The following CYB5R4 variants were observed in gnomAD, a reference collection of about 807,000 sequenced individuals.
CYB5R4 encodes cytochrome b5 reductase 4, also known as N-terminal cytochrome b5 and cytochrome b5 oxidoreductase domain-containing protein.
A neutral mutation model predicts 70.2 loss-of-function variants in CYB5R4; 55 were observed. The ratio of observed to expected loss-of-function variants is 0.78; its 90% CI spans 0.63 to 0.98. The LOEUF (loss-of-function observed/expected upper bound fraction) is 0.98, where lower values mean the gene tolerates loss of function less well. CYB5R4 is among the 50% of genes least tolerant of loss of function. The probability of loss-of-function intolerance (pLI) is 0.00; values close to 1 mark genes in which losing one functional copy is unlikely to be tolerated. For synonymous variants in CYB5R4, 197 were observed against 199.5 expected (o/e 0.99, Z 0.11); for missense variants, 562 against 612.6 (o/e 0.92, Z 0.87).
intron 11 of CYB5R4, among the ~76,000 whole-genome samples, 162 bp from the exon 12 acceptor site, chr6:83,936,062 G>T (rs560105156): frequency 2.0e-5 from 3 of 151,904 alleles, no homozygotes; most frequent in Non-Finnish European, 4.4e-5. Flanking sequence ...TAGGCTTGGG[G>T]TATATATACT....
At chr6:83,916,330 A>G (rs1467484492) in intron 5 of CYB5R4, among the ~76,000 whole-genome samples, 1 of 152,118 alleles carries the variant, frequency 6.6e-6, no homozygotes, top group East Asian at 1.9e-4. Context: ...CAATTTATCA[A>G]TTCTGTTTAT....
At chr6:83,878,063 CAG>C (rs2099458850) in intron 2 of CYB5R4, among the ~76,000 whole-genome samples, 1 of 152,012 alleles carries the variant, frequency 6.6e-6, no homozygotes, top group Admixed American at 6.5e-5. Context: ...TTTAAGTTTG[CAG>C]AGTCTTTCCT....
At chr6:83,914,625 C>T (rs2099465201) in intron 5 of CYB5R4, among the ~76,000 whole-genome samples, 177 bp downstream of exon 5, 1 of 152,012 alleles carries the variant, frequency 6.6e-6, no homozygotes, top group African/African-American at 2.4e-5. Context: ...GTAACCTCCA[C>T]CTCCCGGGTT....
Position 83,897,766 on chromosome 6 carries a change from G to C in CYB5R4, c.330+4144G>C, listed in dbSNP as rs545153831. 3.4e-4 allele frequency among the ~76,000 whole-genome samples: 51 copies of C among 152,236 alleles called. No individual in the cohort carries two copies. The South Asian group carries it at 4.8e-3, about 14-fold the overall frequency. On this transcript the variant is annotated intron_variant, in intron 3 of 15. Coordinates refer to ENST00000369681, the MANE Select transcript of CYB5R4 (RefSeq NM_016230.4). The stretch of plus-strand genomic sequence containing the variant: ...TTGTTTTTTTCTTGTAAATTTGTTG[G>C]AGTTCTTTGTAGATTCTGGATATTA...
At chr6:83,944,206 AG>A (rs148521435) in intron 14 of CYB5R4, among the ~76,000 whole-genome samples, 29,582 of 152,090 alleles carry the variant, frequency 0.19, 6,163 homozygotes, top group African/African-American at 0.51. Flanking sequence ...TTACCCACAA[AG>A]GGAAGCCCAT....
chr6:83,932,617 A>C (rs923636839), intron 10 of CYB5R4, among the ~76,000 whole-genome samples: 1 of 152,060 alleles, frequency 6.6e-6, no homozygotes, highest in African/African-American at 2.4e-5. Flanking sequence ...GAGTATTGCA[A>C]GGCCACGAAG....
chr6:83,897,890 C>G (rs531906711), intron 3 of CYB5R4, among the ~76,000 whole-genome samples: 4 of 152,026 alleles, frequency 2.6e-5, no homozygotes, highest in South Asian at 2.1e-4. Flanking sequence ...GAAGCTCTTT[C>G]GTTTAATTAG....
At chr6:83,865,079 A>G (rs1260311304) in intron 2 of CYB5R4, among the ~76,000 whole-genome samples, 5 of 152,194 alleles carry the variant, frequency 3.3e-5, no homozygotes. Flanking sequence ...TAATTTTATC[A>G]TTGTATAATT....
chr6:83,938,683 T>G (rs891954528), intron 12 of CYB5R4, among the ~76,000 whole-genome samples: 5 of 152,238 alleles, frequency 3.3e-5, no homozygotes, highest in African/African-American at 1.2e-4. Context: ...TAATCAATTT[T>G]GTTAACATTG....
chr6:83,872,664 A>G (rs571098486), intron 2 of CYB5R4, among the ~76,000 whole-genome samples: 2 of 152,206 alleles, frequency 1.3e-5, no homozygotes, highest in Middle Eastern at 3.4e-3. Flanking sequence ...AGAAACTTCA[A>G]CCCTAGTTAT....
intron 10 of CYB5R4, among the ~76,000 whole-genome samples, chr6:83,932,999 G>A (rs1282167745): frequency 6.6e-6 from 1 of 152,126 alleles, no homozygotes; most frequent in East Asian, 1.9e-4. Context: ...ACAGTTATTT[G>A]CGTGATTTAT....
At chr6:83,873,235 CTTTTTTTTTTTTT>C (rs927399068) in intron 2 of CYB5R4, among the ~76,000 whole-genome samples, 1 of 99,782 alleles carries the variant, frequency 1.0e-5, no homozygotes, top group South Asian at 3.2e-4. Context: ...GGGTATCCTT[CTTTTTTTTTTTTT>C]TTTTTTTTTT....
intron 13 of CYB5R4, 82 bp from the exon 14 acceptor site, chr6:83,940,433 C>A: frequency 7.6e-7 from 1 of 1,317,448 alleles, no homozygotes; most frequent in Non-Finnish European, 1.0e-6. Flanking sequence ...AACATTCACA[C>A]TGGTTCACTT....
rs1455839609 is a variant in CYB5R4, at chr6:83,960,947, T to C, written c.*1069T>C. ...GTGAGGAAACTGTTGAATGCATAGG[T>C]AGCTACTGTATAAGCTAACTAGGAT... On this transcript the variant is annotated 3_prime_UTR_variant, in exon 16 of 16. Coordinates refer to ENST00000369681, the MANE Select transcript of CYB5R4 (RefSeq NM_016230.4). 1 of 152,212 alleles carries C rather than the reference T, an allele frequency of 6.6e-6. No homozygotes were observed. The highest frequency in any genetic ancestry group is 1.5e-5 in the Non-Finnish European group (1 of 68,030). The allele number at this position is 152,212 out of a possible 1,614,324, so 9.4% of individuals were successfully genotyped here.
intron 3 of CYB5R4, among the ~76,000 whole-genome samples, chr6:83,902,898 AT>A (rs996994327): frequency 6.6e-6 from 1 of 152,038 alleles, no homozygotes; most frequent in Non-Finnish European, 1.5e-5. Context: ...ACTTTACTGA[AT>A]TTGTTTATCA....
intron 2 of CYB5R4, among the ~76,000 whole-genome samples, chr6:83,869,986 C>G (rs2099457315): frequency 6.6e-6 from 1 of 152,088 alleles, no homozygotes. Flanking sequence ...AAATATATGT[C>G]AGATAGGTTT....
intron 14 of CYB5R4, among the ~76,000 whole-genome samples, chr6:83,946,715 C>G (rs142731291): frequency 0.015 from 2,269 of 152,312 alleles, 59 homozygotes; most frequent in African/African-American, 0.052. Context: ...TAAGCAACTT[C>G]AGCAAAGTCT....
chr6:83,932,551 C>A (rs749159368), intron 10 of CYB5R4, among the ~76,000 whole-genome samples: 2 of 152,178 alleles, frequency 1.3e-5, no homozygotes, highest in Non-Finnish European at 2.9e-5. Flanking sequence ...CCCTGGGTTC[C>A]ACACTTGGAG....
At chr6:83,891,010 A>G (rs759803042) in intron 2 of CYB5R4, among the ~76,000 whole-genome samples, 1 of 152,054 alleles carries the variant, frequency 6.6e-6, no homozygotes, top group Non-Finnish European at 1.5e-5. Context: ...TGGCATGATC[A>G]TGGCTCACTG....
Sources: gnomAD v4.1 joint callset for allele counts (sites outside exome capture counted in the v4.1 genomes callset) on GRCh38, gnomAD v4.1.1 for gene constraint, MANE v1.5 for transcripts, NCBI Gene and HGNC (gene_info 2026-07-23, HGNC 2026-07-21) for gene names.